PTPRR: variants seen among roughly 807,000 people sequenced by gnomAD.
The protein encoded by PTPRR is receptor-type tyrosine-protein phosphatase R.
In PTPRR, 38 loss-of-function variants were observed where a neutral mutation model predicts 77.2. The ratio of observed to expected loss-of-function variants is 0.49; its 90% CI spans 0.38 to 0.65. The LOEUF (loss-of-function observed/expected upper bound fraction) is 0.65. Ranked by LOEUF, PTPRR falls within the 30% of genes least tolerant of loss-of-function variation. PTPRR has a pLI of 0.00. For synonymous variants in PTPRR, 299 were observed against 283.1 expected (o/e 1.06, Z -0.57); for missense variants, 744 against 799.2 (o/e 0.93, Z 0.83).
chr12:70,843,973 G>A (rs549060454), intron 2 of PTPRR, among the ~76,000 whole-genome samples: 10 of 151,600 alleles, frequency 6.6e-5, no homozygotes, highest in Non-Finnish European at 1.3e-4. Flanking sequence ...CTGCCACCAC[G>A]CCCAGCTAAT....
chr12:70,659,626 CAT>C (rs1343988224), intron 12 of PTPRR, among the ~76,000 whole-genome samples: 1 of 152,074 alleles, frequency 6.6e-6, no homozygotes, highest in African/African-American at 2.4e-5. Context: ...AGCCCTAACG[CAT>C]AGTCAGTTAG....
At chr12:70,674,909 G>A (rs924590455) in intron 10 of PTPRR, among the ~76,000 whole-genome samples, 9 of 151,944 alleles carry the variant, frequency 5.9e-5, no homozygotes, top group African/African-American at 2.2e-4. Context: ...TATTTGGGGG[G>A]AGGTTATGTA....
At chr12:70,812,379 C>T (rs1565705678) in intron 2 of PTPRR, among the ~76,000 whole-genome samples, 1 of 152,134 alleles carries the variant, frequency 6.6e-6, no homozygotes, top group South Asian at 2.1e-4. Flanking sequence ...AACATGAGAG[C>T]TTTCATGAAA....
chr12:70,913,781 G>A (rs1893735201), intron 1 of PTPRR, among the ~76,000 whole-genome samples: 1 of 152,006 alleles, frequency 6.6e-6, no homozygotes, highest in African/African-American at 2.4e-5. Context: ...CCTTCTTTAT[G>A]GTCATGAAGA....
At chr12:70,832,324 G>C (rs890516379) in intron 2 of PTPRR, among the ~76,000 whole-genome samples, 1 of 152,148 alleles carries the variant, frequency 6.6e-6, no homozygotes, top group African/African-American at 2.4e-5. Context: ...GCTCTATGCT[G>C]CTAGATCAGT....
chr12:70,694,157 C>G (rs61932462), intron 8 of PTPRR, among the ~76,000 whole-genome samples: 12 of 151,942 alleles, frequency 7.9e-5, no homozygotes, highest in Non-Finnish European at 1.5e-4. Context: ...ATGAGTGGTT[C>G]ACTTATTTGC....
chr12:70,918,999 C>T (rs1893814129), intron 1 of PTPRR, among the ~76,000 whole-genome samples: 1 of 152,312 alleles, frequency 6.6e-6, no homozygotes, highest in South Asian at 2.1e-4. Flanking sequence ...CACAATATAA[C>T]ATCATAATTA....
intron 2 of PTPRR, among the ~76,000 whole-genome samples, chr12:70,882,320 G>A (rs1489919842): frequency 6.6e-6 from 1 of 152,068 alleles, no homozygotes; most frequent in East Asian, 1.9e-4. Context: ...CCCATCACTA[G>A]CTATGATAGA....
chr12:70,808,032 C>T (rs895934519), intron 2 of PTPRR, among the ~76,000 whole-genome samples: 2 of 152,004 alleles, frequency 1.3e-5, no homozygotes, highest in Non-Finnish European at 2.9e-5. Context: ...AATTCTTTCC[C>T]CAGTAAGGAA....
chr12:70,643,849 C>T (rs562756821), intron 13 of PTPRR, among the ~76,000 whole-genome samples: 56 of 152,106 alleles, frequency 3.7e-4, no homozygotes, highest in African/African-American at 1.3e-3. Flanking sequence ...CAGCCTCAAC[C>T]TCCCAGGTCA....
rs747620546 is a variant in PTPRR, at chr12:70,892,693, T to C, written c.343A>G (p.Asn115Asp). The C allele has an allele frequency of 1.9e-6, 3 of 1,613,178 alleles. No individual in the cohort carries two copies. In the Admixed American group the frequency reaches 5.0e-5, roughly 27 times the overall value. Residue 115 changes from asparagine (N) to aspartate (D), a missense_variant, in exon 2 of 14, where the codon AAT becomes GAT. Asn to Asp is a conservative substitution (Grantham distance 23, BLOSUM62 1). Coordinates refer to ENST00000283228, the MANE Select transcript of PTPRR (RefSeq NM_002849.4). ...ATACTACTTACCACCACAATTACATTTGCTGCTGGGATTGGGAGATTTTCC... is the reference window on the plus strand; with the variant it reads ...ATACTACTTACCACCACAATTACATCTGCTGCTGGGATTGGGAGATTTTCC... Reference protein sequence around the residue: ...EVENLPIPAANVIVVTLQMDV... With the variant: ...EVENLPIPAADVIVVTLQMDV...
intron 6 of PTPRR, among the ~76,000 whole-genome samples, chr12:70,707,967 G>C (rs1888678399): frequency 6.6e-6 from 1 of 151,928 alleles, no homozygotes; most frequent in South Asian, 2.1e-4. Context: ...CTCATCTCCT[G>C]TCACATTCTC....
chr12:70,919,651 T>C (rs1294266147), intron 1 of PTPRR, among the ~76,000 whole-genome samples: 1 of 149,688 alleles, frequency 6.7e-6, no homozygotes, highest in Non-Finnish European at 1.5e-5. Context: ...AACCCAGGGT[T>C]GTCAGCTTTG....
rs935399546 is a variant in PTPRR, at chr12:70,915,683, T to C, written c.58+4650A>G. 3.9e-5 allele frequency among the ~76,000 whole-genome samples: 6 copies of C among 152,190 alleles called. No individual in the cohort carries two copies. In the South Asian group the frequency reaches 1.2e-3, roughly 31 times the overall value. Reference sequence around the variant, plus strand: ...TTCTGGTCTAACACAAACCCATCCTTTATTGCCCTTCAGTTCACAATGACA... The same window carrying C: ...TTCTGGTCTAACACAAACCCATCCTCTATTGCCCTTCAGTTCACAATGACA... On this transcript the variant is annotated intron_variant, in intron 1 of 13. Transcript: ENST00000283228.
intron 1 of PTPRR, among the ~76,000 whole-genome samples, chr12:70,896,163 G>T (rs568782987): frequency 7.4e-4 from 113 of 151,680 alleles, no homozygotes; most frequent in Admixed American, 1.8e-3. Context: ...GACATATGAT[G>T]CAATGTACAT....
intron 6 of PTPRR, among the ~76,000 whole-genome samples, chr12:70,719,232 G>A (rs1217108510): frequency 3.9e-5 from 6 of 152,144 alleles, no homozygotes; most frequent in African/African-American, 1.4e-4. Context: ...CAGCCGACAT[G>A]AAGGCCATTT....
At chr12:70,913,506 C>T (rs1893730916) in intron 1 of PTPRR, among the ~76,000 whole-genome samples, 1 of 152,016 alleles carries the variant, frequency 6.6e-6, no homozygotes, top group South Asian at 2.1e-4. Flanking sequence ...AACTATCATG[C>T]TATGTTGTTT....
chr12:70,695,176 T>C (rs1184751149), intron 8 of PTPRR, among the ~76,000 whole-genome samples: 1 of 152,222 alleles, frequency 6.6e-6, no homozygotes, highest in Non-Finnish European at 1.5e-5. Context: ...ATAATGTTGC[T>C]ATTATGTACA....
intron 2 of PTPRR, among the ~76,000 whole-genome samples, chr12:70,774,371 G>T (rs1347421595): frequency 6.6e-6 from 1 of 152,144 alleles, no homozygotes; most frequent in Non-Finnish European, 1.5e-5. Flanking sequence ...TGTAACTGTG[G>T]AAACAGTATT....
Sources: gnomAD v4.1 joint callset for allele counts (sites outside exome capture counted in the v4.1 genomes callset) on GRCh38, gnomAD v4.1.1 for gene constraint, MANE v1.5 for transcripts, NCBI Gene and HGNC (gene_info 2026-07-23, HGNC 2026-07-21) for gene names.